The following BOK variants were observed in gnomAD, a reference collection of about 807,000 sequenced individuals.
BOK encodes the protein bcl-2-related ovarian killer protein.
Under a neutral mutation model 18.3 loss-of-function variants are expected in BOK, and 20 were observed. That is an observed-to-expected ratio of 1.09 (90% CI 0.77 to 1.59). BOK has a LOEUF of 1.59. Among genes scored for constraint, BOK ranks in the 40% most tolerant of loss-of-function variants. The pLI is 0.00. For missense variants in BOK, 348 were observed against 307.9 expected (o/e 1.13, Z -0.97); for synonymous variants, 173 against 142.4 (o/e 1.21, Z -1.53).
intron 3 of BOK, among the ~76,000 whole-genome samples, chr2:241,564,475 G>GGA (rs2066579594): frequency 6.6e-6 from 1 of 152,106 alleles, no homozygotes; most frequent in Admixed American, 6.5e-5. Context: ...GCCGGGCCCA[G>GGA]GCCAGGCTGA....
chr2:241,568,680 G>A (rs923893427), intron 3 of BOK, among the ~76,000 whole-genome samples: 1 of 151,774 alleles, frequency 6.6e-6, no homozygotes, highest in Non-Finnish European at 1.5e-5. Context: ...GGCCTTCCAA[G>A]GTGCTGGGAT....
At chr2:241,564,939 G>A (rs1295719929) in intron 3 of BOK, among the ~76,000 whole-genome samples, 2 of 152,302 alleles carry the variant, frequency 1.3e-5, no homozygotes, top group African/African-American at 2.4e-5. Flanking sequence ...GCCCCTACCC[G>A]CCCGGCCTTG....
chr2:241,555,431 A>G (rs2066443727), upstream of BOK, among the ~76,000 whole-genome samples: 1 of 150,674 alleles, frequency 6.6e-6, no homozygotes, highest in Non-Finnish European at 1.5e-5. Flanking sequence ...GCTGGAGTGC[A>G]GTGGCATGAG....
chr2:241,559,204 C>T (rs191739393), intron 1 of BOK, among the ~76,000 whole-genome samples: 3,417 of 151,706 alleles, frequency 0.023, 158 homozygotes, highest in East Asian at 0.1. Context: ...AGGGCGGGCC[C>T]GGCGGCCCCG....
chr2:241,556,789 T>C (rs1241116687), upstream of BOK, among the ~76,000 whole-genome samples: 4 of 152,192 alleles, frequency 2.6e-5, no homozygotes, highest in East Asian at 5.8e-4. Flanking sequence ...TCATTTTTAG[T>C]CTCTGTGCAG....
chr2:241,568,780 GGGTTCTTT>G (rs2066657509), intron 3 of BOK, among the ~76,000 whole-genome samples: 1 of 152,196 alleles, frequency 6.6e-6, no homozygotes, highest in African/African-American at 2.4e-5. Flanking sequence ...AAGGATACTT[GGGTTCTTT>G]CCACCTTTTG....
At chr2:241,558,054 G>GACACACACACACAC (rs60885185), upstream of BOK, among the ~76,000 whole-genome samples, 4,394 of 143,312 alleles carry the variant, frequency 0.031, 175 homozygotes, top group African/African-American at 0.063. Flanking sequence ...AGAGTTCCGA[G>GACACACACACACAC]ACACACACAC....
intron 3 of BOK, among the ~76,000 whole-genome samples, chr2:241,569,352 T>C (rs59270968): frequency 0.03 from 4,492 of 152,170 alleles, 221 homozygotes; most frequent in African/African-American, 0.1. Context: ...AGGCTGCTCT[T>C]GAACTCCCAA....
chr2:241,560,498 C>T (rs2066510165), intron 2 of BOK, among the ~76,000 whole-genome samples: 1 of 152,256 alleles, frequency 6.6e-6, no homozygotes, highest in African/African-American at 2.4e-5. Context: ...CACGCTGCCT[C>T]CTCTCAGGCT....
chr2:241,571,811 C>T (rs531642430), intron 4 of BOK, among the ~76,000 whole-genome samples: 55 of 152,368 alleles, frequency 3.6e-4, no homozygotes, highest in African/African-American at 1.1e-3. Context: ...CGTGGGCTTC[C>T]GGAAACGCAG....
Position 241,572,452 on chromosome 2 carries a change from G to T in BOK, c.*30G>T. The T allele has an allele frequency of 6.3e-7, 1 of 1,583,714 alleles. No homozygotes were observed. The highest frequency in any genetic ancestry group is 8.5e-7 in the Non-Finnish European group (1 of 1,172,280). ...CCCACCTGGCAGTGGCCGCAGCCTG[G>T]CCCTCTGGGCCCAACGCAGGAGGCC... On this transcript the variant is annotated 3_prime_UTR_variant, in exon 5 of 5. Coordinates refer to ENST00000318407, the MANE Select transcript of BOK (RefSeq NM_032515.5).
intron 1 of BOK, among the ~76,000 whole-genome samples, 169 bp from the exon 2 acceptor site, chr2:241,559,286 G>A (rs2066486092): frequency 6.6e-6 from 1 of 151,798 alleles, no homozygotes; most frequent in Non-Finnish European, 1.5e-5. Flanking sequence ...GCTGAATTCG[G>A]GCTCTGAAAG....
chr2:241,557,142 A>G (rs1265205218), upstream of BOK, among the ~76,000 whole-genome samples: 1 of 152,026 alleles, frequency 6.6e-6, no homozygotes, highest in Non-Finnish European at 1.5e-5. Context: ...AGTTCTATTA[A>G]TCTCTTCAAA....
chr2:241,557,940 G>A (rs907862100), upstream of BOK, among the ~76,000 whole-genome samples: 6 of 151,690 alleles, frequency 4.0e-5, no homozygotes, highest in African/African-American at 1.5e-4. Flanking sequence ...GGAAGAATAA[G>A]TATTTTATAG....
chr2:241,570,070 AGT>A, intron 3 of BOK, 53 bp from the exon 4 acceptor site: 1 of 1,565,402 alleles, frequency 6.4e-7, no homozygotes, highest in South Asian at 1.2e-5. Flanking sequence ...CCCTTCCTTA[AGT>A]GCTCCCGTGG....
At chr2:241,564,569 C>T (rs1264041897) in intron 3 of BOK, among the ~76,000 whole-genome samples, 1 of 151,742 alleles carries the variant, frequency 6.6e-6, no homozygotes, top group African/African-American at 2.4e-5. Flanking sequence ...GGCTCAGGGG[C>T]CGGGTGGGCA....
upstream of BOK, among the ~76,000 whole-genome samples, chr2:241,558,054 G>GACACACACACACACACAC (rs60885185): frequency 0.04 from 5,773 of 143,228 alleles, 275 homozygotes; most frequent in African/African-American, 0.1. Context: ...AGAGTTCCGA[G>GACACACACACACACACAC]ACACACACAC....
At position 241,559,638 on chromosome 2, in the gene BOK, C is replaced by A. The variant is rs764705048; in HGVS notation, c.155C>A (p.Ala52Glu). The A allele has an allele frequency of 2.3e-5, 33 of 1,416,776 alleles. No homozygotes were observed. The African/African-American group carries it at 4.5e-4, about 19-fold the overall frequency. 87.8% of individuals were successfully genotyped at this position (1,416,776 alleles called of 1,614,324 possible). ...RLLRAGLSWS[A>E]PERAAPVPGR... Reference sequence around the variant, plus strand: ...CTGCGCGCCGGCCTCTCCTGGAGCGCGCCCGAGCGTGCCGCGCCGGTCCCG... The same window carrying A: ...CTGCGCGCCGGCCTCTCCTGGAGCGAGCCCGAGCGTGCCGCGCCGGTCCCG... Residue 52 changes from alanine to glutamate, a missense_variant, in exon 2 of 5, where the codon GCG (alanine) becomes GAG (glutamate). By Grantham distance (107) the Ala-to-Glu change is moderately radical. Transcript: ENST00000318407.
chr2:241,572,563 C>A lies in BOK; in HGVS notation c.*141C>A, dbSNP rs2066741574. ...AGACCCCCTAAGCCCCGTTCCTCCG[C>A]AGACCCAGGCCCTCCGGAAGGGGTG... On this transcript the variant is annotated 3_prime_UTR_variant, in exon 5 of 5. Transcript: ENST00000318407. 7.7e-7 allele frequency: 1 copy of A among 1,300,952 alleles called. No individual in the cohort carries two copies. Among genetic ancestry groups the A allele is most frequent in the Non-Finnish European group, 1.0e-6 (1 of 963,876 alleles). The allele number at this position is 1,300,952 out of a possible 1,614,324, so 80.6% of individuals were successfully genotyped here. A position where few individuals can be genotyped will look rare whatever the true frequency, so the allele number is the denominator to read the frequency against.
Sources: allele counts gnomAD v4.1 joint callset (sites outside exome capture counted in the v4.1 genomes callset), GRCh38; gene constraint gnomAD v4.1.1; transcripts MANE v1.5; gene names NCBI Gene and HGNC (gene_info 2026-07-23, HGNC 2026-07-21).